Variants in CHRM2 observed in about 807,000 individuals in gnomAD.
The protein encoded by CHRM2 is muscarinic acetylcholine receptor M2.
A neutral mutation model predicts 25.0 loss-of-function variants in CHRM2; 8 were observed. The observed-to-expected ratio is 0.32, with a 90% CI of 0.19 to 0.58. The LOEUF (loss-of-function observed/expected upper bound fraction) is 0.58, where lower values mean the gene tolerates loss of function less well. Among genes scored for constraint, CHRM2 ranks in the 20% least tolerant of loss-of-function variants. The probability of loss-of-function intolerance (pLI) is 0.88; values close to 1 mark genes in which losing one functional copy is unlikely to be tolerated. For synonymous variants in CHRM2, 202 were observed against 205.7 expected, an observed-to-expected ratio of 0.98 and a Z score of 0.15; for missense variants, 440 against 567.1, an observed-to-expected ratio of 0.78 and a Z score of 2.28.
chr7:136,998,285 G>A (rs1803741499), intron 3 of CHRM2, among the ~76,000 whole-genome samples: 1 of 152,016 alleles, frequency 6.6e-6, no homozygotes, highest in Non-Finnish European at 1.5e-5. Flanking sequence ...TATTGAAGGT[G>A]GGAGGATTGA....
rs978381774 is a variant in CHRM2 at position 136,932,990 on chromosome 7, A to C, written c.-124-59197A>C. On this transcript the variant is annotated intron_variant, in intron 2 of 3. Transcript: ENST00000680005. ...GGTTGCAGTGGGCCCAGATTGTGCC[A>C]CTGCACTTCAGTCTGGGTGACAGAG... Among the ~76,000 whole-genome samples the C allele has an allele frequency of 9.2e-5, 14 of 152,314 alleles. No homozygotes were observed. The East Asian group carries it at 2.1e-3, about 23-fold the overall frequency.
At chr7:136,973,931 A>T (rs1162910100) in intron 2 of CHRM2, among the ~76,000 whole-genome samples, 1 of 152,194 alleles carries the variant, frequency 6.6e-6, no homozygotes, top group East Asian at 1.9e-4. Context: ...CAAGTAATTT[A>T]CAGACAGAAT....
chr7:136,923,847 A>G (rs1798587177), intron 2 of CHRM2, among the ~76,000 whole-genome samples: 1 of 152,118 alleles, frequency 6.6e-6, no homozygotes, highest in Non-Finnish European at 1.5e-5. Context: ...CTGTCTCTAC[A>G]AAATTTTTAT....
chr7:136,937,443 T>C (rs1188145964), intron 2 of CHRM2, among the ~76,000 whole-genome samples: 1 of 152,200 alleles, frequency 6.6e-6, no homozygotes, highest in South Asian at 2.1e-4. Flanking sequence ...CTATATTGCA[T>C]GTAGATTCAG....
At chr7:137,003,147 C>T (rs1283578742) in intron 3 of CHRM2, among the ~76,000 whole-genome samples, 2 of 152,040 alleles carry the variant, frequency 1.3e-5, no homozygotes, top group Admixed American at 1.3e-4. Flanking sequence ...AGTTGCATCC[C>T]CTATACAGCA....
chr7:136,932,573 C>A (rs574111019), intron 2 of CHRM2, among the ~76,000 whole-genome samples: 18 of 152,152 alleles, frequency 1.2e-4, no homozygotes, highest in African/African-American at 4.3e-4. Flanking sequence ...TATCCACATG[C>A]AAAATAATAA....
chr7:137,001,207 C>T (rs1804013374), intron 3 of CHRM2, among the ~76,000 whole-genome samples: 1 of 152,086 alleles, frequency 6.6e-6, no homozygotes, highest in African/African-American at 2.4e-5. Context: ...GCTACTTCCT[C>T]CTCCCCCCTC....
rs148748750 is a variant in CHRM2, at chr7:136,971,173, T to G, written c.-124-21014T>G. Among the ~76,000 whole-genome samples, 265 of 152,282 alleles carry G rather than the reference T, an allele frequency of 1.7e-3. 1 individual carries two copies. The highest frequency in any genetic ancestry group is 7.4e-3 in the Admixed American group (113 of 15,294). ...AGATCTCAGAGATCATCTAGATCAA[T>G]TTGTTCATTTTCTAGATGATGGAAT... On this transcript the variant is annotated intron_variant, in intron 2 of 3. Coordinates refer to ENST00000680005, the MANE Select transcript of CHRM2 (RefSeq NM_001006630.2).
At chr7:136,936,928 TGA>T (rs755635737) in intron 2 of CHRM2, among the ~76,000 whole-genome samples, 9 of 152,196 alleles carry the variant, frequency 5.9e-5, no homozygotes, top group Non-Finnish European at 1.3e-4. Flanking sequence ...AATAATCTGC[TGA>T]ATTTTAGACA....
At chr7:136,953,337 C>T (rs534569836) in intron 2 of CHRM2, among the ~76,000 whole-genome samples, 1 of 152,218 alleles carries the variant, frequency 6.6e-6, no homozygotes, top group South Asian at 2.1e-4. Context: ...GACAAATGGA[C>T]CCTTCAGAGA....
intron 2 of CHRM2, among the ~76,000 whole-genome samples, chr7:136,917,038 T>C (rs1327108241): frequency 3.3e-5 from 5 of 152,186 alleles, no homozygotes; most frequent in Non-Finnish European, 2.9e-5. Context: ...GATTCTAATA[T>C]ATGCCTTTAT....
intron 2 of CHRM2, among the ~76,000 whole-genome samples, chr7:136,890,952 T>C (rs80078633): frequency 0.02 from 3,073 of 152,298 alleles, 100 homozygotes; most frequent in African/African-American, 0.07. Flanking sequence ...CATTCATCCC[T>C]ACTGTGTCTC....
chr7:136,944,504 T>A (rs1268359189), intron 2 of CHRM2, among the ~76,000 whole-genome samples: 1 of 152,120 alleles, frequency 6.6e-6, no homozygotes, highest in Non-Finnish European at 1.5e-5. Context: ...TATACATATA[T>A]GTGTACATAT....
chr7:136,972,396 AT>A (rs1801836777), intron 2 of CHRM2, among the ~76,000 whole-genome samples: 1 of 152,084 alleles, frequency 6.6e-6, no homozygotes, highest in Non-Finnish European at 1.5e-5. Flanking sequence ...ATTACTTTAT[AT>A]ATCTTGTTTC....
intron 2 of CHRM2, among the ~76,000 whole-genome samples, chr7:136,892,719 G>T (rs1429951271): frequency 1.3e-5 from 2 of 150,470 alleles, no homozygotes; most frequent in African/African-American, 4.9e-5. Flanking sequence ...GCCCAAGCTG[G>T]AGTGCAGTGG....
At chr7:136,877,706 G>C (rs1272502575) in intron 2 of CHRM2, among the ~76,000 whole-genome samples, 2 of 152,044 alleles carry the variant, frequency 1.3e-5, no homozygotes, top group South Asian at 4.1e-4. Context: ...AGTAACAGGC[G>C]GGTATGATAC....
chr7:136,932,592 A>C (rs1799170439), intron 2 of CHRM2, among the ~76,000 whole-genome samples: 1 of 152,222 alleles, frequency 6.6e-6, no homozygotes, highest in Non-Finnish European at 1.5e-5. Flanking sequence ...AAATTCATAC[A>C]ACTACCTTAC....
chr7:136,884,485 C>CTT (rs36100182), intron 2 of CHRM2, among the ~76,000 whole-genome samples: 92 of 144,368 alleles, frequency 6.4e-4, no homozygotes, highest in South Asian at 1.3e-3. Flanking sequence ...AATGAAATGC[C>CTT]TTTTTTTTTT....
intron 2 of CHRM2, chr7:136,938,524 T>C (rs1799554727): frequency 1.1e-5 from 11 of 969,436 alleles, no homozygotes; most frequent in Admixed American, 1.7e-5. Context: ...CAGGCTCTGG[T>C]TGATTGACCG....
Sources: allele counts gnomAD v4.1 joint callset (sites outside exome capture counted in the v4.1 genomes callset), GRCh38; gene constraint gnomAD v4.1.1; transcripts MANE v1.5; gene names NCBI Gene and HGNC (gene_info 2026-07-23, HGNC 2026-07-21).